Variants in CD9 observed in about 807,000 individuals in gnomAD.
CD9 encodes CD9 molecule.
In CD9, 10 loss-of-function variants were observed where a neutral mutation model predicts 31.4. The ratio of observed to expected loss-of-function variants is 0.32; its 90% CI spans 0.20 to 0.54. The LOEUF is 0.54. CD9 is among the 20% of genes least tolerant of loss of function. The pLI is 0.94. For synonymous variants in CD9, 113 were observed against 114.1 expected (o/e 0.99, Z 0.06); for missense variants, 259 against 300.1 (o/e 0.86, Z 1.01).
chr12:6,210,010 T>C (rs1015813672), intron 1 of CD9, among the ~76,000 whole-genome samples: 13 of 152,190 alleles, frequency 8.5e-5, no homozygotes, highest in African/African-American at 3.1e-4. Context: ...AAATAGAAAT[T>C]AGATTATCTT....
At chr12:6,218,410 C>G (rs1946262624) in intron 1 of CD9, among the ~76,000 whole-genome samples, 1 of 152,156 alleles carries the variant, frequency 6.6e-6, no homozygotes, top group Admixed American at 6.5e-5. Context: ...GTATGCCCTC[C>G]CCCACACTGA....
At chr12:6,226,163 T>C (rs1946363220) in intron 2 of CD9, among the ~76,000 whole-genome samples, 1 of 152,224 alleles carries the variant, frequency 6.6e-6, no homozygotes, top group African/African-American at 2.4e-5. Context: ...TGGGATCCTC[T>C]GAACATGAAC....
chr12:6,232,659 C>T lies in CD9; in HGVS notation c.203C>T (p.Ala68Val), dbSNP rs2136636084. 2 of 1,580,250 alleles carry T rather than the reference C, an allele frequency of 1.3e-6. No homozygotes were observed. The highest frequency in any genetic ancestry group is 4.6e-5 in the East Asian group (2 of 43,356). Residue 68 changes from alanine to valine, a missense_variant, in exon 3 of 8, where the codon GCC becomes GTC. Ala to Val is a moderately conservative substitution (Grantham distance 64). Coordinates refer to ENST00000009180, the MANE Select transcript of CD9 (RefSeq NM_001769.4). The surrounding 1 kb of genome is among the most constrained non-coding windows in gnomAD (Gnocchi z 4.8). ...GTCTATATTCTGATCGGAGCCGGCG[C>T]CCTCATGATGCTGGTGGGCTTCCTG... ...TGVYILIGAG[A>V]LMMLVGFLGC... is the part of the protein sequence containing the mutation.
chr12:6,207,351 A>G, intron 1 of CD9, among the ~76,000 whole-genome samples: 1 of 152,242 alleles, frequency 6.6e-6, no homozygotes, highest in South Asian at 2.1e-4. Context: ...ATTAGAAATG[A>G]TAAATTCCCT....
chr12:6,228,558 C>CA (rs5796224), intron 2 of CD9, among the ~76,000 whole-genome samples: 4,279 of 68,032 alleles, frequency 0.063, 167 homozygotes, highest in Non-Finnish European at 0.095. Context: ...GACTCCATCT[C>CA]AAAAAAAAAA....
Position 6,233,495 on chromosome 12 carries a change from T to C in CD9, c.348+9T>C. The C allele has an allele frequency of 1.2e-6, 2 of 1,607,128 alleles. No individual in the cohort carries two copies. Among genetic ancestry groups the C allele is most frequent in the Non-Finnish European group, 1.7e-6 (2 of 1,173,592 alleles). ...ATTCCCACAAGGATGAGGTAGGTTTTTCCCATGAGATCTCTTGGGTTTGGG... is the reference window on the plus strand; with the variant it reads ...ATTCCCACAAGGATGAGGTAGGTTTCTCCCATGAGATCTCTTGGGTTTGGG... On this transcript the variant is annotated intron_variant, in intron 4 of 7. Coordinates refer to ENST00000009180, the MANE Select transcript of CD9 (RefSeq NM_001769.4).
chr12:6,233,394 C>A lies in CD9; in HGVS notation c.274-18C>A, dbSNP rs1457639675. ...TTGGCTGGGACTGTTCTCACCCCGT[C>A]CCCTCGTTGCCTTCCAGTTCTTCGG... is the stretch of plus-strand genomic sequence containing the variant. On this transcript the variant is annotated intron_variant, in intron 3 of 7. Coordinates refer to ENST00000009180, the MANE Select transcript of CD9 (RefSeq NM_001769.4). 2 of 1,605,270 alleles carry A rather than the reference C, an allele frequency of 1.2e-6. No individual in the cohort carries two copies. Among genetic ancestry groups the A allele is most frequent in the African/African-American group, 2.7e-5 (2 of 74,724 alleles).
chr12:6,201,223 G>C (rs780827253), intron 1 of CD9, among the ~76,000 whole-genome samples: 2 of 152,218 alleles, frequency 1.3e-5, no homozygotes. Context: ...CCGTGAGAGC[G>C]CCGAACTCCC....
At position 6,225,595 on chromosome 12, in the gene CD9, T is replaced by C. The variant is rs1041260863; in HGVS notation, c.175+61T>C. 7 of 1,089,238 alleles carry C rather than the reference T, an allele frequency of 6.4e-6. No individual in the cohort carries two copies. In the African/African-American group the frequency reaches 1.1e-4, roughly 17 times the overall value. 67.5% of individuals were successfully genotyped at this position (1,089,238 alleles called of 1,614,324 possible). ...TGGCTCCAACAAAGTTCCTGCAACT[T>C]TGGAGGCCCCATGTTGACCCAGGGA... On this transcript the variant is annotated intron_variant, in intron 2 of 7. Transcript: ENST00000009180.
chr12:6,206,367 C>A (rs1411314517), intron 1 of CD9, among the ~76,000 whole-genome samples: 1 of 152,028 alleles, frequency 6.6e-6, no homozygotes, highest in Non-Finnish European at 1.5e-5. Flanking sequence ...GGACTACAGG[C>A]ATGTGCCACT....
intron 1 of CD9, among the ~76,000 whole-genome samples, chr12:6,222,069 TCTC>T (rs1250437136): frequency 1.3e-5 from 2 of 152,164 alleles, no homozygotes; most frequent in African/African-American, 2.4e-5. Flanking sequence ...GAAAGTGAGT[TCTC>T]CTAGAAAATA....
intron 1 of CD9, chr12:6,224,975 C>T (rs1946343214): frequency 6.4e-6 from 1 of 155,378 alleles, no homozygotes; most frequent in South Asian, 2.0e-4. Context: ...CACCTGATAA[C>T]AATGCTTTTC....
intron 1 of CD9, among the ~76,000 whole-genome samples, chr12:6,213,434 A>G (rs1055724456): frequency 2.0e-5 from 3 of 152,324 alleles, no homozygotes; most frequent in Non-Finnish European, 4.4e-5. Context: ...TCAGTTTTGC[A>G]CTTTGCTGGA....
chr12:6,232,793 C>A lies in CD9; in HGVS notation c.273+64C>A. 2 of 1,029,490 alleles carry A rather than the reference C, an allele frequency of 1.9e-6. No individual in the cohort carries two copies. 63.8% of individuals were successfully genotyped at this position (1,029,490 alleles called of 1,614,324 possible). A position where few individuals can be genotyped will look rare whatever the true frequency, so the allele number is the denominator to read the frequency against. On this transcript the variant is annotated intron_variant, in intron 3 of 7. Transcript: ENST00000009180. The surrounding 1 kb of genome is among the most constrained non-coding windows in gnomAD (Gnocchi z 4.8). ...CCCACCAACAAAAACCTCAGCAGGCCCAGACCCAGACCACAGAACAGATGG... is the reference window on the plus strand; with the variant it reads ...CCCACCAACAAAAACCTCAGCAGGCACAGACCCAGACCACAGAACAGATGG...
At chr12:6,214,608 C>T (rs1377614970) in intron 1 of CD9, among the ~76,000 whole-genome samples, 3 of 152,228 alleles carry the variant, frequency 2.0e-5, no homozygotes, top group Non-Finnish European at 2.9e-5. Context: ...CTCTCAGCCT[C>T]CCAAAGTGCT....
Position 6,216,303 on chromosome 12 carries a change from G to A in CD9, c.67-9123G>A, listed in dbSNP as rs188494664. Among the ~76,000 whole-genome samples, 10 of 152,340 alleles carry A rather than the reference G, an allele frequency of 6.6e-5. 1 individual carries two copies. In the East Asian group the frequency reaches 1.9e-3, roughly 29 times the overall value. Reference sequence around the variant, plus strand: ...CTGGTATTTTGGGGCCTGGAAAACTGCTGGTGTGGGAAACTTGCATCCCCA... The same window carrying A: ...CTGGTATTTTGGGGCCTGGAAAACTACTGGTGTGGGAAACTTGCATCCCCA... On this transcript the variant is annotated intron_variant, in intron 1 of 7. Transcript: ENST00000009180.
At chr12:6,233,876 TCAAGTGCTGCCCCCATGAGC>T (rs1416177670) in intron 4 of CD9, among the ~76,000 whole-genome samples, 2 of 150,774 alleles carry the variant, frequency 1.3e-5, no homozygotes, top group Non-Finnish European at 2.9e-5. Context: ...AATAACATGT[TCAAGTGCTGCCCCCATGAGC>T]CAAGTGCTGC....
intron 1 of CD9, among the ~76,000 whole-genome samples, chr12:6,218,117 C>G (rs1241331227): frequency 6.6e-6 from 1 of 152,022 alleles, no homozygotes; most frequent in Non-Finnish European, 1.5e-5. Context: ...GTCCCAGCTA[C>G]TCAGGAGGCT....
Position 6,214,344 on chromosome 12 carries a change from C to CTTTTTTTTTTTTT in CD9, c.67-11070_67-11058dup, listed in dbSNP as rs71450123. 1.9e-4 allele frequency among the ~76,000 whole-genome samples: 13 copies of CTTTTTTTTTTTTT among 67,076 alleles called. 2 individuals carry two copies. Among genetic ancestry groups the CTTTTTTTTTTTTT allele is most frequent in the Admixed American group, 5.1e-4 (2 of 3,932 alleles). The allele number at this position is 67,076 out of a possible 152,430, so 44.0% of individuals were successfully genotyped here. ...CAACCTGCAACTTGACCATTAGCCT[C>CTTTTTTTTTTTTT]TTTTTTTTTTTTTTTTTTTTTTTTG... On this transcript the variant is annotated intron_variant, in intron 1 of 7. Transcript: ENST00000009180.
Sources: allele counts gnomAD v4.1 joint callset (sites outside exome capture counted in the v4.1 genomes callset), GRCh38; gene constraint gnomAD v4.1.1; non-coding constraint Gnocchi (gnomAD v3.1); transcripts MANE v1.5; gene names NCBI Gene and HGNC (gene_info 2026-07-23, HGNC 2026-07-21).